Variants in RBFOX1 observed in about 807,000 individuals in gnomAD.
The protein encoded by RBFOX1 is RNA binding fox-1 homolog 1.
Under a neutral mutation model 57.7 loss-of-function variants are expected in RBFOX1, and 8 were observed. That is an observed-to-expected ratio of 0.14 (90% CI 0.08 to 0.25). The LOEUF is 0.25. Among genes scored for constraint, RBFOX1 ranks in the 10% least tolerant of loss-of-function variants. RBFOX1 has a pLI of 1.00. For missense variants in RBFOX1, 611 were observed against 548.5 expected (o/e 1.11, Z -1.14); for synonymous variants, 326 against 222.4 (o/e 1.47, Z -4.15).
chr16:5,957,074 A>G (rs2059658102), intron 4 of RBFOX1, among the ~76,000 whole-genome samples: 1 of 152,182 alleles, frequency 6.6e-6, no homozygotes, highest in African/African-American at 2.4e-5. Context: ...ACTTTAAGTC[A>G]GGGCTTTAAA....
At position 5,623,135 on chromosome 16, in the gene RBFOX1, T is replaced by A. The variant is rs116438894; in HGVS notation, c.318+24174T>A. Among the ~76,000 whole-genome samples the A allele has an allele frequency of 5.4e-3, 821 of 152,250 alleles. 7 individuals are homozygous for A. Among genetic ancestry groups the A allele is most frequent in the African/African-American group, 0.019 (779 of 41,530 alleles). On this transcript the variant is annotated intron_variant, in intron 3 of 19. Coordinates refer to the RBFOX1 transcript ENST00000641259. Reference sequence around the variant, plus strand: ...TGGCCATTTCAGAGAAACTGGCCAATCCCTGGCTTAGTCTAAAGAAAGCCA... The same window carrying A: ...TGGCCATTTCAGAGAAACTGGCCAAACCCTGGCTTAGTCTAAAGAAAGCCA...
chr16:6,105,134 A>C (rs1417542303), intron 1 of RBFOX1, among the ~76,000 whole-genome samples: 1 of 152,240 alleles, frequency 6.6e-6, no homozygotes, highest in African/African-American at 2.4e-5. Flanking sequence ...CTTACAGCTC[A>C]TCATTCCTCT....
At chr16:6,234,481 G>T (rs564620603) in intron 1 of RBFOX1, among the ~76,000 whole-genome samples, 1 of 152,268 alleles carries the variant, frequency 6.6e-6, no homozygotes, top group East Asian at 1.9e-4. Flanking sequence ...ATAACCAGCA[G>T]CATTCAGAAA....
intron 1 of RBFOX1, among the ~76,000 whole-genome samples, chr16:5,369,345 C>A (rs918862879): frequency 6.6e-6 from 1 of 152,202 alleles, no homozygotes; most frequent in African/African-American, 2.4e-5. Flanking sequence ...TCTACCTGTC[C>A]CTTAGCCGTC....
At chr16:6,412,145 CA>C (rs1382315085) in intron 2 of RBFOX1, among the ~76,000 whole-genome samples, 46 of 139,864 alleles carry the variant, frequency 3.3e-4, no homozygotes, top group East Asian at 2.3e-3. Flanking sequence ...AAAAAAAAAA[CA>C]AAAAAACAAA....
chr16:5,755,260 G>A (rs1402760818), intron 3 of RBFOX1, among the ~76,000 whole-genome samples: 2 of 149,434 alleles, frequency 1.3e-5, no homozygotes, highest in Non-Finnish European at 3.0e-5. Flanking sequence ...CAAGGCAGAA[G>A]AATTTTTCTT....
At chr16:7,656,734 G>A (rs1239439822) in intron 12 of RBFOX1, among the ~76,000 whole-genome samples, 3 of 152,126 alleles carry the variant, frequency 2.0e-5, no homozygotes, top group Non-Finnish European at 2.9e-5. Context: ...GGCACCTTGA[G>A]AGGTATTTCT....
intron 3 of RBFOX1, among the ~76,000 whole-genome samples, chr16:5,607,948 T>A (rs1282094976): frequency 2.6e-5 from 4 of 152,184 alleles, no homozygotes; most frequent in African/African-American, 7.2e-5. Flanking sequence ...GCATTGGGGT[T>A]GTTTGTAGTT....
intron 1 of RBFOX1, among the ~76,000 whole-genome samples, chr16:5,425,310 T>C (rs112771574): frequency 0.045 from 6,858 of 152,138 alleles, 192 homozygotes; most frequent in Middle Eastern, 0.13. Context: ...TTTACCATGT[T>C]GGCCAGGCTG....
intron 2 of RBFOX1, among the ~76,000 whole-genome samples, chr16:6,637,975 C>A (rs2098458861): frequency 6.6e-6 from 1 of 152,216 alleles, no homozygotes; most frequent in East Asian, 1.9e-4. Context: ...TAATTTTCAA[C>A]ACCCAACATT....
chr16:5,436,984 C>G (rs1011746159), intron 1 of RBFOX1, among the ~76,000 whole-genome samples: 1 of 152,286 alleles, frequency 6.6e-6, no homozygotes, highest in South Asian at 2.1e-4. Context: ...GCCCCCATGA[C>G]TGGCAGAAAG....
intron 1 of RBFOX1, among the ~76,000 whole-genome samples, chr16:6,077,207 G>T (rs899126722): frequency 6.6e-6 from 1 of 152,132 alleles, no homozygotes; most frequent in African/African-American, 2.4e-5. Context: ...TTCAGCCCCT[G>T]CCACGGTTCT....
intron 3 of RBFOX1, among the ~76,000 whole-genome samples, chr16:6,726,642 G>T (rs557552796): frequency 6.6e-6 from 1 of 152,240 alleles, no homozygotes; most frequent in South Asian, 2.1e-4. Flanking sequence ...TTTCAAACAG[G>T]TGTGCATGCC....
At chr16:6,562,374 A>G (rs948631094) in intron 2 of RBFOX1, among the ~76,000 whole-genome samples, 10 of 152,252 alleles carry the variant, frequency 6.6e-5, no homozygotes, top group African/African-American at 2.4e-4. Context: ...AATAGTATCC[A>G]TAAACTGTGT....
At chr16:6,089,145 C>G (rs1200344086) in intron 1 of RBFOX1, among the ~76,000 whole-genome samples, 1 of 151,454 alleles carries the variant, frequency 6.6e-6, no homozygotes, top group African/African-American at 2.4e-5. Context: ...GGAAGGACCA[C>G]CAAGTGATCA....
chr16:7,316,621 C>T (rs756492470), intron 4 of RBFOX1, among the ~76,000 whole-genome samples: 10 of 152,136 alleles, frequency 6.6e-5, no homozygotes, highest in Non-Finnish European at 1.3e-4. Flanking sequence ...GTGATCATCA[C>T]ATAACTGTGC....
intron 5 of RBFOX1, among the ~76,000 whole-genome samples, chr16:7,569,861 C>CA (rs1008285588): frequency 1.1e-4 from 17 of 151,466 alleles, no homozygotes; most frequent in East Asian, 3.9e-4. Context: ...CCTCTGTCTC[C>CA]AAAAAAAACA....
At chr16:6,640,459 A>G (rs1171861088) in intron 2 of RBFOX1, among the ~76,000 whole-genome samples, 1 of 151,978 alleles carries the variant, frequency 6.6e-6, no homozygotes, top group African/African-American at 2.4e-5. Flanking sequence ...AAATGCAGAA[A>G]TTAGCCAGGC....
At chr16:6,239,051 G>A (rs923772964) in intron 1 of RBFOX1, among the ~76,000 whole-genome samples, 5 of 151,682 alleles carry the variant, frequency 3.3e-5, no homozygotes, top group African/African-American at 9.7e-5. Context: ...AAGCTCCTTA[G>A]TTAAGTGATT....
Sources: allele counts gnomAD v4.1 joint callset (sites outside exome capture counted in the v4.1 genomes callset), GRCh38; gene constraint gnomAD v4.1.1; transcripts MANE v1.5; gene names NCBI Gene and HGNC (gene_info 2026-07-23, HGNC 2026-07-21).